The following TMEM130 variants were observed in gnomAD, a reference collection of about 807,000 sequenced individuals.
The protein encoded by TMEM130 is transmembrane protein 130.
A neutral mutation model predicts 42.9 loss-of-function variants in TMEM130; 37 were observed. The observed-to-expected ratio is 0.86, with a 90% CI of 0.66 to 1.13. TMEM130 has a LOEUF of 1.13. Among genes scored for constraint, TMEM130 ranks in the 50% most tolerant of loss-of-function variants. The probability of loss-of-function intolerance (pLI) is 0.00; values close to 1 mark genes in which losing one functional copy is unlikely to be tolerated. For missense variants in TMEM130, 545 were observed against 562.6 expected, an observed-to-expected ratio of 0.97 and a Z score of 0.32; for synonymous variants, 259 against 237.7, an observed-to-expected ratio of 1.09 and a Z score of -0.82.
intron 1 of TMEM130, among the ~76,000 whole-genome samples, chr7:98,868,565 C>T (rs1794960650): frequency 6.6e-6 from 1 of 152,150 alleles, no homozygotes; most frequent in African/African-American, 2.4e-5. Context: ...TAGTCCAGTA[C>T]ATGGACTTCT....
At chr7:98,854,969 G>A (rs1265633331) in intron 5 of TMEM130, among the ~76,000 whole-genome samples, 2 of 152,204 alleles carry the variant, frequency 1.3e-5, no homozygotes, top group African/African-American at 4.8e-5. Context: ...CAGGGAGGCA[G>A]AGGTCGCAGT....
intron 3 of TMEM130, among the ~76,000 whole-genome samples, chr7:98,857,265 A>G (rs1359969551): frequency 2.0e-5 from 3 of 152,138 alleles, no homozygotes; most frequent in East Asian, 1.9e-4. Context: ...AACTTTCAGG[A>G]TAATATCGAT....
chr7:98,852,078 C>T (rs1206180469), intron 5 of TMEM130, among the ~76,000 whole-genome samples: 1 of 152,168 alleles, frequency 6.6e-6, no homozygotes, highest in Non-Finnish European at 1.5e-5. Context: ...TCCCGAGTAG[C>T]TGGGGCTACA....
In TMEM130 at chr7:98,846,515, C is replaced by G. The variant is rs1326176196; in HGVS notation, c.*1541G>C. ...TATGCTTGGCTATATTCAGAGCACACAAGCTTTATTTAGCAACAATGGCAG... is the reference window on the plus strand; with the variant it reads ...TATGCTTGGCTATATTCAGAGCACAGAAGCTTTATTTAGCAACAATGGCAG... On this transcript the variant is annotated 3_prime_UTR_variant, in exon 8 of 8. Transcript: ENST00000339375. 1.3e-5 allele frequency: 2 copies of G among 152,204 alleles called. No homozygotes were observed. The highest frequency in any genetic ancestry group is 2.9e-5 in the Non-Finnish European group (2 of 68,050). The allele number at this position is 152,204 out of a possible 1,614,324, so 9.4% of individuals were successfully genotyped here. A position where few individuals can be genotyped will look rare whatever the true frequency, so the allele number is the denominator to read the frequency against.
chr7:98,854,893 G>A (rs999765039), intron 5 of TMEM130, among the ~76,000 whole-genome samples: 10 of 152,106 alleles, frequency 6.6e-5, no homozygotes, highest in South Asian at 4.2e-4. Context: ...AAAATTAGCC[G>A]GGCATCGTGG....
intron 4 of TMEM130, 137 bp from the exon 5 acceptor site, chr7:98,855,461 G>A (rs1794608794): frequency 1.4e-6 from 1 of 692,380 alleles, no homozygotes; most frequent in East Asian, 3.0e-5. Flanking sequence ...GTCTGTGCGG[G>A]GTTCCTCTGG....
At chr7:98,848,818 T>C (rs898987635) in intron 6 of TMEM130, 123 bp from the exon 7 acceptor site, 1 of 712,380 alleles carries the variant, frequency 1.4e-6, no homozygotes, top group Non-Finnish European at 2.5e-6. Context: ...TTTACCCTCA[T>C]GTACATGCAT....
At chr7:98,864,799 C>G (rs536578627) in intron 1 of TMEM130, among the ~76,000 whole-genome samples, 3 of 152,150 alleles carry the variant, frequency 2.0e-5, no homozygotes, top group Non-Finnish European at 4.4e-5. Flanking sequence ...ACTCAGGAGG[C>G]TGAGGCAGGG....
intron 3 of TMEM130, among the ~76,000 whole-genome samples, chr7:98,858,122 T>G (rs111946153): frequency 6.8e-6 from 1 of 146,972 alleles, no homozygotes; most frequent in African/African-American, 2.7e-5. Flanking sequence ...CTAGTTTATT[T>G]ATATTACATT....
chr7:98,852,673 C>A (rs1426828196), intron 5 of TMEM130, among the ~76,000 whole-genome samples: 2 of 152,044 alleles, frequency 1.3e-5, no homozygotes, highest in African/African-American at 4.8e-5. Context: ...CCGCTCACTG[C>A]AACCTTTGCC....
intron 2 of TMEM130, among the ~76,000 whole-genome samples, chr7:98,861,711 CA>C (rs1340403724): frequency 6.6e-6 from 1 of 151,686 alleles, no homozygotes; most frequent in Non-Finnish European, 1.5e-5. Context: ...GACTCTGACT[CA>C]AAAATAGTAA....
intron 2 of TMEM130, among the ~76,000 whole-genome samples, chr7:98,862,441 G>A (rs926478469): frequency 6.6e-6 from 1 of 150,938 alleles, no homozygotes; most frequent in African/African-American, 2.4e-5. Flanking sequence ...GGAGAAAGAG[G>A]GGAGAAAGAA....
rs1794359683 is a variant in TMEM130 at position 98,846,628 on chromosome 7, A to G, written c.*1428T>C. 6.6e-6 allele frequency: 1 copy of G among 152,102 alleles called. No individual in the cohort carries two copies. 9.4% of individuals were successfully genotyped at this position (152,102 alleles called of 1,614,324 possible). ...AGATGGTTACAGCGACAGAGCCCAGACCCCACAGTCCTCCCCTGCCCTTCC... is the reference window on the plus strand; with the variant it reads ...AGATGGTTACAGCGACAGAGCCCAGGCCCCACAGTCCTCCCCTGCCCTTCC... On this transcript the variant is annotated 3_prime_UTR_variant, in exon 8 of 8. Transcript: ENST00000339375.
Position 98,869,171 on chromosome 7 carries a change from C to A in TMEM130, c.85+606G>T. 1 of 1,282,140 alleles carries A rather than the reference C, an allele frequency of 7.8e-7. No homozygotes were observed. Among genetic ancestry groups the A allele is most frequent in the Non-Finnish European group, 1.0e-6 (1 of 985,750 alleles). The allele number at this position is 1,282,140 out of a possible 1,614,324, so 79.4% of individuals were successfully genotyped here. A position where few individuals can be genotyped will look rare whatever the true frequency, so the allele number is the denominator to read the frequency against. Reference sequence around the variant, plus strand: ...GAAGTGGGGGCAGTAGACACACAACCCTGCTTCCCCCACTCCCCCACCCAC... The same window carrying A: ...GAAGTGGGGGCAGTAGACACACAACACTGCTTCCCCCACTCCCCCACCCAC... On this transcript the variant is annotated intron_variant, in intron 1 of 7. Transcript: ENST00000339375. This position sits in a 1 kb window ranked among gnomAD's most constrained non-coding sequence, Gnocchi z 4.7.
intron 2 of TMEM130, among the ~76,000 whole-genome samples, chr7:98,861,410 C>A (rs1794768496): frequency 6.6e-6 from 1 of 151,958 alleles, no homozygotes; most frequent in African/African-American, 2.4e-5. Flanking sequence ...CCTATGTCTA[C>A]TTCTCTAAAA....
At position 98,856,014 on chromosome 7, in the gene TMEM130, C is replaced by T; in HGVS notation, c.718+3G>A. ...GACTGCATCAGCCTGCCTGGACACC[C>T]ACCCTGCAGCTTCAGCGAGGCGGAG... On this transcript the variant is annotated splice_donor_region_variant and intron_variant, in intron 4 of 7. Coordinates refer to ENST00000339375, the MANE Select transcript of TMEM130 (RefSeq NM_152913.3). 1.2e-6 allele frequency: 2 copies of T among 1,612,094 alleles called. No homozygotes were observed. Among genetic ancestry groups the T allele is most frequent in the South Asian group, 1.1e-5 (1 of 90,996 alleles).
Position 98,862,327 on chromosome 7 carries a change from G to A in TMEM130, c.391+768C>T, listed in dbSNP as rs888684876. Among the ~76,000 whole-genome samples, 6 of 151,442 alleles carry A rather than the reference G, an allele frequency of 4.0e-5. No homozygotes were observed. In the East Asian group the frequency reaches 5.8e-4, roughly 15 times the overall value. On this transcript the variant is annotated intron_variant, in intron 2 of 7. Transcript: ENST00000339375. Reference sequence around the variant, plus strand: ...GACAAAGAGACAGAGAACAGAAAGAGCAAGATAGAAAGGGAAAACAGAGAG... The same window carrying A: ...GACAAAGAGACAGAGAACAGAAAGAACAAGATAGAAAGGGAAAACAGAGAG...
At chr7:98,855,166 AGACTTG>A in intron 5 of TMEM130, 68 bp downstream of exon 5, 2 of 1,362,814 alleles carry the variant, frequency 1.5e-6, no homozygotes, top group Non-Finnish European at 2.0e-6. Flanking sequence ...AGAGCAGAAC[AGACTTG>A]GGGTCATCGT....
chr7:98,858,660 G>A (rs1226532428), intron 3 of TMEM130, among the ~76,000 whole-genome samples: 2 of 151,680 alleles, frequency 1.3e-5, no homozygotes, highest in Non-Finnish European at 2.9e-5. Flanking sequence ...AGACCAGCCT[G>A]GGCAACATAG....
Sources: gnomAD v4.1 joint callset for allele counts (sites outside exome capture counted in the v4.1 genomes callset) on GRCh38, gnomAD v4.1.1 for gene constraint, Gnocchi (gnomAD v3.1) non-coding constraint, MANE v1.5 for transcripts, NCBI Gene and HGNC (gene_info 2026-07-23, HGNC 2026-07-21) for gene names.